The following NOL10 variants were observed in gnomAD, a reference collection of about 807,000 sequenced individuals.
NOL10 encodes H_NH0074G24.1.
NOL10 carries 58 observed loss-of-function variants against 103.5 expected under a neutral mutation model. The observed-to-expected ratio is 0.56, with a 90% CI of 0.45 to 0.70. NOL10 has a LOEUF of 0.70. Ranked by LOEUF, NOL10 falls within the 30% of genes least tolerant of loss-of-function variation. The probability of loss-of-function intolerance (pLI) is 0.00; values close to 1 mark genes in which losing one functional copy is unlikely to be tolerated. For synonymous variants in NOL10, 287 were observed against 282.5 expected (o/e 1.02, Z -0.16); for missense variants, 763 against 807.3 (o/e 0.95, Z 0.67).
chr2:10,680,056 C>T (rs1681622500), intron 3 of NOL10, among the ~76,000 whole-genome samples: 1 of 151,998 alleles, frequency 6.6e-6, no homozygotes, highest in Non-Finnish European at 1.5e-5. Context: ...GGGCGGATCA[C>T]TTGAGGCAAG....
At chr2:10,641,258 G>A (rs1403414678) in intron 13 of NOL10, among the ~76,000 whole-genome samples, 1 of 151,628 alleles carries the variant, frequency 6.6e-6, no homozygotes, top group Non-Finnish European at 1.5e-5. Flanking sequence ...CAGAAGAATT[G>A]CTTGAATCTG....
intron 12 of NOL10, 56 bp downstream of exon 12, chr2:10,654,425 A>G (rs1230152185): frequency 5.9e-6 from 7 of 1,179,812 alleles, no homozygotes; most frequent in South Asian, 2.9e-5. Context: ...CTGAACGTTC[A>G]CTACAGAATG....
intron 13 of NOL10, among the ~76,000 whole-genome samples, chr2:10,617,009 A>C (rs1377648320): frequency 1.4e-5 from 2 of 142,666 alleles, no homozygotes; most frequent in East Asian, 4.1e-4. Flanking sequence ...ACTCAGTGAC[A>C]AAACACAGAA....
At chr2:10,634,464 G>C in intron 13 of NOL10, 2 of 456,264 alleles carry the variant, frequency 4.4e-6, no homozygotes, top group South Asian at 1.5e-5. Context: ...CAGAAGTTCT[G>C]ATGTAGACAC....
intron 17 of NOL10, among the ~76,000 whole-genome samples, chr2:10,599,025 A>G (rs1232490753): frequency 1.3e-5 from 2 of 152,082 alleles, no homozygotes; most frequent in Non-Finnish European, 2.9e-5. Flanking sequence ...ATCCTGCACT[A>G]TGGGGTATTC....
chr2:10,674,983 G>A lies in NOL10; in HGVS notation c.289+811C>T, dbSNP rs138820076. Among the ~76,000 whole-genome samples the A allele has an allele frequency of 3.1e-3, 477 of 152,258 alleles. 2 individuals carry two copies. The highest frequency in any genetic ancestry group is 0.01 in the African/African-American group (425 of 41,558). ...CTGTGGGAGACCAAAGCAAAAGGAC[G>A]GCTGAGGCCAGGAGCTTGAGACCAG... On this transcript the variant is annotated intron_variant, in intron 4 of 20. Coordinates refer to ENST00000381685, the MANE Select transcript of NOL10 (RefSeq NM_024894.4).
intron 1 of NOL10, 147 bp from the exon 2 acceptor site, chr2:10,684,759 C>T: frequency 1.6e-6 from 1 of 616,540 alleles, no homozygotes; most frequent in Non-Finnish European, 2.8e-6. Context: ...CTAATCCTAA[C>T]TCTACTCGTA....
chr2:10,673,280 T>G (rs899784461), intron 5 of NOL10: 20 of 344,108 alleles, frequency 5.8e-5, no homozygotes, highest in Admixed American at 2.9e-4. Context: ...AGGTTTCATA[T>G]ACGATATGAA....
intron 3 of NOL10, among the ~76,000 whole-genome samples, chr2:10,677,456 T>C (rs1457133851): frequency 6.6e-6 from 1 of 150,570 alleles, no homozygotes; most frequent in Non-Finnish European, 1.5e-5. Context: ...TTTGTGGGGT[T>C]TTCTTTGGTG....
At chr2:10,674,130 A>T (rs775956375) in intron 4 of NOL10, among the ~76,000 whole-genome samples, 1 of 151,668 alleles carries the variant, frequency 6.6e-6, no homozygotes, top group Non-Finnish European at 1.5e-5. Flanking sequence ...AGGTAGGAGG[A>T]TCTCTTGAGC....
chr2:10,684,509 T>TA (rs1334944900), intron 2 of NOL10, 58 bp downstream of exon 2: 8 of 1,333,472 alleles, frequency 6.0e-6, no homozygotes, highest in Non-Finnish European at 8.3e-6. Flanking sequence ...AGCAAATGAG[T>TA]AAAAGCATTA....
chr2:10,659,235 T>C lies in NOL10; in HGVS notation c.693A>G (p.Pro231=), dbSNP rs1474578595. The C allele has an allele frequency of 6.3e-7, 1 of 1,599,656 alleles. No individual in the cohort carries two copies. The highest frequency in any genetic ancestry group is 8.5e-7 in the Non-Finnish European group (1 of 1,172,648). ...VTADSEINSL[P]TISALKFNGA... ...CATTAAATTTCAAAGCAGAGATTGTTGGTAAACTGTTTATCCTGAAAAGCA... is the reference window on the plus strand; with the variant it reads ...CATTAAATTTCAAAGCAGAGATTGTCGGTAAACTGTTTATCCTGAAAAGCA... Residue 231 remains proline, a synonymous_variant, in exon 10 of 21, where the codon CCA becomes CCG. Transcript: ENST00000381685.
At chr2:10,627,699 C>CAAA (rs111536913) in intron 13 of NOL10, among the ~76,000 whole-genome samples, 136 of 135,180 alleles carry the variant, frequency 1.0e-3, no homozygotes, top group African/African-American at 3.8e-3. Context: ...AACAAACAAA[C>CAAA]AAAAAAAAAC....
In NOL10 at chr2:10,599,939, C is replaced by A. The variant is rs117859633; in HGVS notation, c.1422+914G>T. Among the ~76,000 whole-genome samples, 79 of 151,874 alleles carry A rather than the reference C, an allele frequency of 5.2e-4. 2 individuals carry two copies. In the East Asian group the frequency reaches 0.014, roughly 26 times the overall value. On this transcript the variant is annotated intron_variant, in intron 17 of 20. Transcript: ENST00000381685. ...TGAAAAGCATGAACAGAAATGAAGA[C>A]AAAAGGAGCTCACCCATCTTAGATG...
At chr2:10,599,253 C>T (rs1304028346) in intron 17 of NOL10, among the ~76,000 whole-genome samples, 2 of 152,254 alleles carry the variant, frequency 1.3e-5, no homozygotes, top group East Asian at 3.8e-4. Context: ...ATGCAAACAT[C>T]TACAGTCTAA....
At chr2:10,650,202 G>T (rs539346661) in intron 12 of NOL10, among the ~76,000 whole-genome samples, 19 of 152,118 alleles carry the variant, frequency 1.2e-4, no homozygotes, top group South Asian at 1.0e-3. Context: ...TGTCACCCAG[G>T]CAAGAGTACA....
At chr2:10,599,929 G>C (rs1161161274) in intron 17 of NOL10, among the ~76,000 whole-genome samples, 1 of 151,872 alleles carries the variant, frequency 6.6e-6, no homozygotes, top group Non-Finnish European at 1.5e-5. Flanking sequence ...AGCATGAACA[G>C]AAATGAAGAC....
chr2:10,657,780 C>T lies in NOL10; in HGVS notation c.868G>A (p.Ala290Thr), dbSNP rs1488703112. The part of the protein sequence containing the change: ...FQDSLDLILS[A>T]DSRIVKMWNK... Reference sequence around the variant, plus strand: ...CACATCTTGACAATTCGAGAGTCAGCAGACAAAATCAGATCTAATGAATCC... The same window carrying T: ...CACATCTTGACAATTCGAGAGTCAGTAGACAAAATCAGATCTAATGAATCC... Residue 290 changes from alanine (A) to threonine (T), a missense_variant, in exon 11 of 21, where the codon GCT (alanine) becomes ACT (threonine). Ala to Thr is a moderately conservative substitution (Grantham distance 58, BLOSUM62 0). Coordinates refer to ENST00000381685, the MANE Select transcript of NOL10 (RefSeq NM_024894.4). 1.3e-6 allele frequency: 2 copies of T among 1,550,944 alleles called. No individual in the cohort carries two copies. The highest frequency in any genetic ancestry group is 2.4e-5 in the South Asian group (2 of 83,822).
chr2:10,622,218 A>G (rs1677189585), intron 13 of NOL10: 1 of 469,480 alleles, frequency 2.1e-6, no homozygotes, highest in Admixed American at 2.4e-5. Flanking sequence ...ATATCTACAC[A>G]ACAAAACACT....
Sources: gnomAD v4.1 joint callset for allele counts (sites outside exome capture counted in the v4.1 genomes callset) on GRCh38, gnomAD v4.1.1 for gene constraint, MANE v1.5 for transcripts, NCBI Gene and HGNC (gene_info 2026-07-23, HGNC 2026-07-21) for gene names.